Variants in MAK observed in about 807,000 individuals in gnomAD.
The protein encoded by MAK is serine/threonine-protein kinase MAK.
A neutral mutation model predicts 82.6 loss-of-function variants in MAK; 65 were observed. The ratio of observed to expected loss-of-function variants is 0.79; its 90% confidence interval spans 0.64 to 0.97. The LOEUF is 0.97. Among genes scored for constraint, MAK ranks in the 50% least tolerant of loss-of-function variants. MAK has a pLI of 0.00. For missense variants in MAK, 703 were observed against 780.2 expected (o/e 0.90, Z 1.18); for synonymous variants, 250 against 274.2 (o/e 0.91, Z 0.87).
chr6:10,775,038 G>A (rs1483650891), intron 12 of MAK, among the ~76,000 whole-genome samples: 3 of 152,052 alleles, frequency 2.0e-5, no homozygotes, highest in African/African-American at 7.2e-5. Flanking sequence ...GGTTGATCTC[G>A]AACTCCTAGG....
rs1214689453 is a variant in MAK, at chr6:10,775,432, A to C, written c.1493T>G (p.Ile498Arg). 6.2e-7 allele frequency: 1 copy of C among 1,613,610 alleles called. No homozygotes were observed. Among genetic ancestry groups the C allele is most frequent in the Non-Finnish European group, 8.5e-7 (1 of 1,179,734 alleles). Residue 498 changes from isoleucine (I) to arginine (R), a missense_variant, in exon 12 of 15, where the codon ATA (isoleucine) becomes AGA (arginine). Coordinates refer to ENST00000354489, the MANE Select transcript of MAK (RefSeq NM_001242957.3). ...GGGGTTTATTTCCTTTCCACTGGCT[A>C]TCAAGGACACCTTCTTGGGATTCAC... is the stretch of plus-strand genomic sequence containing the variant. Reference protein sequence around the residue: ...PGVNPKKVSLIASGKEINPHT... With the variant: ...PGVNPKKVSLRASGKEINPHT...
intron 14 of MAK, among the ~76,000 whole-genome samples, chr6:10,768,084 TAA>T (rs1426201443): frequency 6.6e-6 from 1 of 151,610 alleles, no homozygotes; most frequent in Non-Finnish European, 1.5e-5. Context: ...AGTAAAGAAA[TAA>T]AAAGTTAAGA....
chr6:10,791,276 CTTTTTTTT>C (rs1469836046), intron 10 of MAK, among the ~76,000 whole-genome samples: 3 of 151,300 alleles, frequency 2.0e-5, no homozygotes, highest in Non-Finnish European at 4.4e-5. Flanking sequence ...TTCTTTTTTT[CTTTTTTTT>C]GAGACAGAGT....
At chr6:10,767,591 G>A (rs1035647023) in intron 14 of MAK, among the ~76,000 whole-genome samples, 3 of 152,036 alleles carry the variant, frequency 2.0e-5, no homozygotes, top group South Asian at 2.1e-4. Context: ...AGATCACGAG[G>A]TCAAGAGATC....
chr6:10,808,939 A>C lies in MAK; in HGVS notation c.362T>G (p.Phe121Cys), dbSNP rs1404663511. 2 of 1,613,222 alleles carry C rather than the reference A, an allele frequency of 1.2e-6. No individual in the cohort carries two copies. The highest frequency in any genetic ancestry group is 3.3e-5 in the Admixed American group (2 of 60,010). The change falls in exon 6 of 15, where the codon TTT becomes TGT. Residue 121 changes from phenylalanine (F) to cysteine (C), a missense_variant. Phe to Cys is a radical substitution (Grantham distance 205, BLOSUM62 -2). Transcript: ENST00000354489. Reference sequence around the variant, plus strand: ...TTCTGGTTTCATGTCCCTATGAAAAAAGCCTTGATGATATACGGAGAAAAA... The same window carrying C: ...TTCTGGTTTCATGTCCCTATGAAAACAGCCTTGATGATATACGGAGAAAAA... ...QGLAFIHKHGFFHRDMKPENL... is the reference protein window; with the variant it reads ...QGLAFIHKHGCFHRDMKPENL...
Position 10,830,624 on chromosome 6 carries a change from G to A in MAK, c.25C>T (p.Gln9Ter). 1 of 1,614,066 alleles carries A rather than the reference G, an allele frequency of 6.2e-7. No homozygotes were observed. Reference protein sequence around the residue: MNRYTTMRQLGDGTYGSVL... With the variant: MNRYTTMR ...CTCCCATACGTGCCGTCCCCCAACT[G>A]TCTCATGGTTGTGTATCGGTTCATC... The change falls in exon 2 of 15, where the codon CAG becomes TAG. Residue 9 changes from glutamine (Q) to a stop codon, truncating the protein, a stop_gained. Transcript: ENST00000354489. LOFTEE classifies it high-confidence loss of function.
At chr6:10,817,725 A>G in intron 4 of MAK, 125 bp downstream of exon 4, 1 of 736,638 alleles carries the variant, frequency 1.4e-6, no homozygotes, top group South Asian at 1.8e-5. Flanking sequence ...TAAAGGTAAC[A>G]GAACTGGTTA....
At chr6:10,832,076 C>T (rs1046602432) in intron 1 of MAK, among the ~76,000 whole-genome samples, 1 of 152,172 alleles carries the variant, frequency 6.6e-6, no homozygotes, top group Non-Finnish European at 1.5e-5. Flanking sequence ...ATCACTCCCC[C>T]AGTAGCTGGG....
intron 10 of MAK, 82 bp from the exon 11 acceptor site, chr6:10,784,654 T>C: frequency 7.9e-7 from 1 of 1,259,820 alleles, no homozygotes; most frequent in Non-Finnish European, 1.2e-6. Flanking sequence ...GCCCACCCTC[T>C]GCACATCTTC....
At chr6:10,802,564 G>A (rs1038567781) in intron 7 of MAK, 5 of 154,938 alleles carry the variant, frequency 3.2e-5, no homozygotes, top group African/African-American at 1.2e-4. Flanking sequence ...GCTTCCCAAA[G>A]TGCTGGGACT....
intron 5 of MAK, among the ~76,000 whole-genome samples, chr6:10,811,119 G>T (rs555504253): frequency 6.6e-6 from 1 of 152,038 alleles, no homozygotes; most frequent in Non-Finnish European, 1.5e-5. Context: ...CTGCCTCAGC[G>T]TCCCAAGTAG....
At chr6:10,837,486 C>T (rs1355954259) in intron 1 of MAK, among the ~76,000 whole-genome samples, 2 of 152,218 alleles carry the variant, frequency 1.3e-5, no homozygotes, top group Non-Finnish European at 1.5e-5. Flanking sequence ...CCGGTCAAGC[C>T]TCGGGAATTG....
intron 6 of MAK, among the ~76,000 whole-genome samples, chr6:10,805,358 C>T (rs907716852): frequency 2.0e-5 from 3 of 151,936 alleles, no homozygotes; most frequent in Admixed American, 1.3e-4. Context: ...GAGACCAAGG[C>T]GGGTGAATCA....
chr6:10,773,408 C>T (rs149705517), intron 12 of MAK, among the ~76,000 whole-genome samples: 261 of 152,118 alleles, frequency 1.7e-3, no homozygotes, highest in African/African-American at 6.0e-3. Context: ...GACACCGCAG[C>T]GACATTAAAT....
chr6:10,826,405 C>A (rs1005648465), intron 2 of MAK, among the ~76,000 whole-genome samples: 4 of 152,190 alleles, frequency 2.6e-5, no homozygotes, highest in African/African-American at 9.7e-5. Flanking sequence ...CTTCTTGAAT[C>A]TGTTGGTCTT....
intron 14 of MAK, among the ~76,000 whole-genome samples, chr6:10,765,276 A>C (rs1561923566): frequency 6.6e-6 from 1 of 152,162 alleles, no homozygotes; most frequent in Non-Finnish European, 1.5e-5. Flanking sequence ...GTGACTTTGT[A>C]ATATCACACT....
At chr6:10,837,213 A>T (rs1254013373) in intron 1 of MAK, among the ~76,000 whole-genome samples, 1 of 152,260 alleles carries the variant, frequency 6.6e-6, no homozygotes, top group African/African-American at 2.4e-5. Flanking sequence ...TTTAAAAGTC[A>T]CCAAACTCTT....
rs539944643 is a variant in MAK at position 10,783,140 on chromosome 6, A to C, written c.1465+1284T>G. 2.6e-5 allele frequency among the ~76,000 whole-genome samples: 4 copies of C among 152,324 alleles called. No individual in the cohort carries two copies. The East Asian group carries it at 5.8e-4, about 22-fold the overall frequency. On this transcript the variant is annotated intron_variant, in intron 11 of 14. Transcript: ENST00000354489. Reference sequence around the variant, plus strand: ...AAATGACCATGCCCACAAAAACACAAAAGAAAAAGATCATCTTCTCCCTCA... The same window carrying C: ...AAATGACCATGCCCACAAAAACACACAAGAAAAAGATCATCTTCTCCCTCA...
intron 11 of MAK, among the ~76,000 whole-genome samples, chr6:10,781,075 G>A (rs773741791): frequency 7.9e-5 from 12 of 152,088 alleles, no homozygotes; most frequent in Non-Finnish European, 1.6e-4. Context: ...TTCCTCCTCT[G>A]TAAGGGATCT....
Sources: allele counts gnomAD v4.1 joint callset (sites outside exome capture counted in the v4.1 genomes callset), GRCh38; gene constraint gnomAD v4.1.1; transcripts MANE v1.5; gene names NCBI Gene and HGNC (gene_info 2026-07-23, HGNC 2026-07-21).